Variants in RAB38 observed in about 807,000 individuals in gnomAD.
RAB38 encodes the protein ras-related protein Rab-38.
In RAB38, 15 loss-of-function variants were observed where a neutral mutation model predicts 18.4. The observed-to-expected ratio is 0.82, with a 90% CI of 0.55 to 1.26. RAB38 has a LOEUF of 1.26. Among genes scored for constraint, RAB38 ranks in the 50% most tolerant of loss-of-function variants. The probability of loss-of-function intolerance (pLI) is 0.00; values close to 1 mark genes in which losing one functional copy is unlikely to be tolerated. For synonymous variants in RAB38, 101 were observed against 104.4 expected (o/e 0.97, Z 0.20); for missense variants, 294 against 267.4 (o/e 1.10, Z -0.69).
At chr11:88,098,455 A>G in the RAB38 span, 1 of 152,018 alleles carries the variant, frequency 6.6e-6, no homozygotes, top group Non-Finnish European at 1.5e-5. Context: ...GTAGCAGGAC[A>G]TATTAGTGGA....
the RAB38 span, among the ~76,000 whole-genome samples, chr11:87,932,378 GA>G: frequency 6.6e-6 from 1 of 152,026 alleles, no homozygotes; most frequent in Non-Finnish European, 1.5e-5. Flanking sequence ...AGAAGGGAGA[GA>G]AAAACCTGGA....
chr11:88,130,241 A>C (rs1942750316), intron 2 of RAB38, among the ~76,000 whole-genome samples: 1 of 152,182 alleles, frequency 6.6e-6, no homozygotes, highest in African/African-American at 2.4e-5. Flanking sequence ...AAAAGAAGCT[A>C]GTTTGACTAC....
chr11:87,862,482 GGAA>G, the RAB38 span, among the ~76,000 whole-genome samples: 1 of 151,828 alleles, frequency 6.6e-6, no homozygotes, highest in South Asian at 2.1e-4. Flanking sequence ...CACATAGAAA[GGAA>G]CAACACACAC....
At chr11:88,143,383 G>T (rs1326859596) in intron 2 of RAB38, among the ~76,000 whole-genome samples, 1 of 152,174 alleles carries the variant, frequency 6.6e-6, no homozygotes, top group Non-Finnish European at 1.5e-5. Context: ...AGGCTATAAG[G>T]TCTCTGTTAC....
chr11:88,136,701 T>C (rs1942840039), intron 2 of RAB38, among the ~76,000 whole-genome samples: 1 of 152,174 alleles, frequency 6.6e-6, no homozygotes, highest in Non-Finnish European at 1.5e-5. Flanking sequence ...TAGCAGAGTA[T>C]AGATAGTATG....
At chr11:87,952,116 A>T in the RAB38 span, among the ~76,000 whole-genome samples, 1 of 152,082 alleles carries the variant, frequency 6.6e-6, no homozygotes, top group Non-Finnish European at 1.5e-5. Flanking sequence ...TGCATCCCCA[A>T]GCAGGTCATT....
chr11:87,824,771 G>T, the RAB38 span, among the ~76,000 whole-genome samples: 6 of 152,288 alleles, frequency 3.9e-5, no homozygotes, highest in South Asian at 1.2e-3. Context: ...GGTCCAAAAT[G>T]CAGGAGATTT....
chr11:87,894,634 T>C, the RAB38 span, among the ~76,000 whole-genome samples: 1 of 151,462 alleles, frequency 6.6e-6, no homozygotes, highest in Non-Finnish European at 1.5e-5. Flanking sequence ...CATTCCTAAA[T>C]TTGAGACAAT....
chr11:88,083,992 G>GAATT, the RAB38 span, among the ~76,000 whole-genome samples: 1 of 151,888 alleles, frequency 6.6e-6, no homozygotes, highest in South Asian at 2.1e-4. Flanking sequence ...CCATATCCTA[G>GAATT]AATTGTGCCT....
the RAB38 span, among the ~76,000 whole-genome samples, chr11:88,052,158 C>T: frequency 6.6e-6 from 1 of 151,990 alleles, no homozygotes; most frequent in African/African-American, 2.4e-5. Flanking sequence ...AAACAACTCA[C>T]CTGTTGGGGT....
the RAB38 span, among the ~76,000 whole-genome samples, chr11:87,857,038 A>G: frequency 7.2e-6 from 1 of 139,198 alleles, no homozygotes; most frequent in African/African-American, 2.7e-5. Flanking sequence ...GACAGGCCCC[A>G]TTGTGTAATG....
At chr11:87,829,789 A>G in the RAB38 span, among the ~76,000 whole-genome samples, 1 of 152,194 alleles carries the variant, frequency 6.6e-6, no homozygotes, top group Non-Finnish European at 1.5e-5. Flanking sequence ...AGCAGTGTGG[A>G]TAGTGAGGTA....
chr11:88,031,617 C>A, the RAB38 span, among the ~76,000 whole-genome samples: 1 of 151,800 alleles, frequency 6.6e-6, no homozygotes, highest in Non-Finnish European at 1.5e-5. Context: ...CATGAGTGAA[C>A]TCCTATTCAC....
chr11:87,823,611 C>T, the RAB38 span, among the ~76,000 whole-genome samples: 7 of 152,114 alleles, frequency 4.6e-5, no homozygotes, highest in African/African-American at 1.2e-4. Context: ...AATATATCCA[C>T]ATGTCAATTG....
chr11:87,923,612 T>C, the RAB38 span, among the ~76,000 whole-genome samples: 1 of 151,566 alleles, frequency 6.6e-6, no homozygotes, highest in Non-Finnish European at 1.5e-5. Context: ...GACAATCTAA[T>C]GCAGATACAT....
the RAB38 span, among the ~76,000 whole-genome samples, chr11:88,094,238 T>C: frequency 6.6e-6 from 1 of 151,892 alleles, no homozygotes; most frequent in Non-Finnish European, 1.5e-5. Flanking sequence ...AATTCCTAGA[T>C]AGATACACAG....
At chr11:87,928,308 G>A in the RAB38 span, among the ~76,000 whole-genome samples, 1 of 151,822 alleles carries the variant, frequency 6.6e-6, no homozygotes, top group African/African-American at 2.4e-5. Flanking sequence ...TCTAAGATGA[G>A]TTATATAAAA....
intron 2 of RAB38, among the ~76,000 whole-genome samples, chr11:88,125,685 A>C (rs527395187): frequency 6.6e-6 from 1 of 152,164 alleles, no homozygotes; most frequent in South Asian, 2.1e-4. Flanking sequence ...CTCTGATGGT[A>C]GTTTCTTTTG....
the RAB38 span, among the ~76,000 whole-genome samples, chr11:87,904,758 T>G: frequency 6.6e-6 from 1 of 151,760 alleles, no homozygotes; most frequent in Non-Finnish European, 1.5e-5. Context: ...TTTTTTGACT[T>G]TTTAATAACA....
Sources: allele counts gnomAD v4.1 joint callset (sites outside exome capture counted in the v4.1 genomes callset), GRCh38; gene constraint gnomAD v4.1.1; transcripts MANE v1.5; gene names NCBI Gene and HGNC (gene_info 2026-07-23, HGNC 2026-07-21).